The following MSH3 variants were observed in gnomAD, a reference collection of about 807,000 sequenced individuals.
The protein encoded by MSH3 is mutS homolog 3, also known as DNA mismatch repair protein Msh3.
MSH3 carries 106 observed loss-of-function variants against 123.3 expected under a neutral mutation model. That is an observed-to-expected ratio of 0.86 (90% CI 0.73 to 1.01). MSH3 has a LOEUF of 1.01. MSH3 is among the 50% of genes least tolerant of loss of function. The pLI is 0.00. For synonymous variants in MSH3, 515 were observed against 481.4 expected (o/e 1.07, Z -0.91); for missense variants, 1,459 against 1,347.6 (o/e 1.08, Z -1.29).
chr5:80,735,381 C>CA (rs58588808), intron 10 of MSH3, among the ~76,000 whole-genome samples: 894 of 59,418 alleles, frequency 0.015, 10 homozygotes, highest in African/African-American at 0.048. Flanking sequence ...GACTTCATCT[C>CA]AAAAAAAAAA....
intron 1 of MSH3, chr5:80,655,449 TC>T (rs1749253107): frequency 4.6e-6 from 1 of 217,288 alleles, no homozygotes; most frequent in Admixed American, 5.8e-5. Context: ...ATTGTGCAGT[TC>T]CCCAGTGAAC....
rs536967924 is a variant in MSH3, at chr5:80,865,635, C to T, written c.3130+693C>T. On this transcript the variant is annotated intron_variant, in intron 22 of 23. Coordinates refer to ENST00000265081, the MANE Select transcript of MSH3 (RefSeq NM_002439.5). ...TAGCCAATAGCAATACATTTAAGTG[C>T]CATAAGTAATACAGTAGACTTTAGC... is the stretch of plus-strand genomic sequence containing the variant. Among the ~76,000 whole-genome samples the T allele has an allele frequency of 1.2e-4, 19 of 152,212 alleles. No homozygotes were observed. The South Asian group carries it at 3.7e-3, about 30-fold the overall frequency.
At chr5:80,662,658 C>A (rs370205271) in intron 2 of MSH3, among the ~76,000 whole-genome samples, 1 of 152,034 alleles carries the variant, frequency 6.6e-6, no homozygotes, top group South Asian at 2.1e-4. Flanking sequence ...GAAACCCCGT[C>A]TCTACTAAAA....
intron 8 of MSH3, among the ~76,000 whole-genome samples, chr5:80,689,851 T>C (rs988403635): frequency 6.6e-6 from 1 of 152,048 alleles, no homozygotes; most frequent in East Asian, 1.9e-4. Flanking sequence ...TGCTATGATA[T>C]TGCTGTAATA....
intron 21 of MSH3, among the ~76,000 whole-genome samples, chr5:80,863,348 A>G (rs951337026): frequency 5.3e-5 from 8 of 152,178 alleles, no homozygotes; most frequent in Non-Finnish European, 1.2e-4. Context: ...TTAGGGAGGC[A>G]TGAGACATAA....
At chr5:80,715,865 C>A (rs1449138566) in intron 8 of MSH3, among the ~76,000 whole-genome samples, 1 of 152,180 alleles carries the variant, frequency 6.6e-6, no homozygotes, top group Non-Finnish European at 1.5e-5. Context: ...CAGGTCCCTG[C>A]TCCAGCACTG....
chr5:80,785,826 T>C (rs1448820720), intron 17 of MSH3, among the ~76,000 whole-genome samples: 2 of 152,170 alleles, frequency 1.3e-5, no homozygotes, highest in African/African-American at 2.4e-5. Context: ...AAATGATGAG[T>C]TCATGTCCTT....
At chr5:80,821,757 A>G (rs765412932) in intron 20 of MSH3, among the ~76,000 whole-genome samples, 2 of 152,252 alleles carry the variant, frequency 1.3e-5, no homozygotes, top group Non-Finnish European at 2.9e-5. Context: ...TGGGCCACTT[A>G]TTTGTCAAAG....
At chr5:80,723,666 T>C (rs750832358) in intron 8 of MSH3, among the ~76,000 whole-genome samples, 2 of 152,206 alleles carry the variant, frequency 1.3e-5, no homozygotes, top group Non-Finnish European at 2.9e-5. Flanking sequence ...GTACCACTCA[T>C]ACAAAATGAA....
At chr5:80,729,460 G>GTGTGTGTA (rs1277559108) in intron 10 of MSH3, among the ~76,000 whole-genome samples, 6 of 95,032 alleles carry the variant, frequency 6.3e-5, no homozygotes, top group East Asian at 5.6e-4. Context: ...GTGTGTGTGT[G>GTGTGTGTA]TATATATATA....
At chr5:80,835,518 A>G (rs1171801366) in intron 20 of MSH3, among the ~76,000 whole-genome samples, 3 of 152,234 alleles carry the variant, frequency 2.0e-5, no homozygotes, top group Non-Finnish European at 4.4e-5. Context: ...TCATTAGCAC[A>G]GGTTTGGCTT....
At chr5:80,720,090 T>A (rs1008916067) in intron 8 of MSH3, among the ~76,000 whole-genome samples, 16 of 152,242 alleles carry the variant, frequency 1.1e-4, no homozygotes, top group African/African-American at 3.4e-4. Flanking sequence ...AATTCCTGGC[T>A]TACAGTTTAT....
chr5:80,727,001 G>C (rs2112856550), intron 9 of MSH3, among the ~76,000 whole-genome samples: 1 of 152,324 alleles, frequency 6.6e-6, no homozygotes, highest in South Asian at 2.1e-4. Context: ...GAAGGAAGGA[G>C]ACTCACATCA....
intron 22 of MSH3, among the ~76,000 whole-genome samples, chr5:80,870,041 G>A (rs1350163762): frequency 6.6e-6 from 1 of 151,394 alleles, no homozygotes; most frequent in South Asian, 2.1e-4. Context: ...GGGCATGGTG[G>A]TGCATACCTG....
At chr5:80,712,233 T>A (rs1039668840) in intron 8 of MSH3, among the ~76,000 whole-genome samples, 13 of 152,328 alleles carry the variant, frequency 8.5e-5, no homozygotes, top group African/African-American at 2.9e-4. Context: ...AGCTCCTGTA[T>A]AAATCCTGTA....
intron 18 of MSH3, 108 bp downstream of exon 18, chr5:80,787,780 A>G (rs1415915432): frequency 1.2e-6 from 1 of 800,216 alleles, no homozygotes; most frequent in Non-Finnish European, 2.1e-6. Flanking sequence ...CAAATGTGTT[A>G]GACTCTTGGG....
intron 20 of MSH3, among the ~76,000 whole-genome samples, chr5:80,828,353 CCATT>C (rs1462137648): frequency 6.6e-6 from 1 of 152,120 alleles, no homozygotes; most frequent in Non-Finnish European, 1.5e-5. Context: ...ATGGATTAAT[CCATT>C]CATAAGGGCA....
intron 11 of MSH3, among the ~76,000 whole-genome samples, chr5:80,743,261 G>A (rs1327365591): frequency 6.6e-6 from 1 of 152,148 alleles, no homozygotes; most frequent in Non-Finnish European, 1.5e-5. Context: ...CTCAGGAGCA[G>A]TGCTGCTGCT....
chr5:80,693,561 ATATAAATATATATGCACATG>A (rs1561446118), intron 8 of MSH3, among the ~76,000 whole-genome samples: 1 of 151,344 alleles, frequency 6.6e-6, no homozygotes, highest in Non-Finnish European at 1.5e-5. Flanking sequence ...GTATGTGTTT[ATATAAATATATATGCACATG>A]TATATAAATA....
Sources: allele counts gnomAD v4.1 joint callset (sites outside exome capture counted in the v4.1 genomes callset), GRCh38; gene constraint gnomAD v4.1.1; transcripts MANE v1.5; gene names NCBI Gene and HGNC (gene_info 2026-07-23, HGNC 2026-07-21).